Variants in SEMA5A observed in about 807,000 individuals in gnomAD.
SEMA5A encodes semaphorin 5A.
A neutral mutation model predicts 135.5 loss-of-function variants in SEMA5A; 55 were observed. That is an observed-to-expected ratio of 0.41 (90% CI 0.33 to 0.51). The LOEUF (loss-of-function observed/expected upper bound fraction) is 0.51. SEMA5A is among the 20% of genes least tolerant of loss of function. SEMA5A has a pLI of 0.37. For synonymous variants in SEMA5A, 580 were observed against 546.5 expected (o/e 1.06, Z -0.85); for missense variants, 1,290 against 1,419.9 (o/e 0.91, Z 1.47).
Position 9,545,196 on chromosome 5 carries a change from C to A in SEMA5A, c.-175+388G>T, listed in dbSNP as rs1007264544. Among the ~76,000 whole-genome samples the A allele has an allele frequency of 3.9e-5, 6 of 152,158 alleles. No individual in the cohort carries two copies. The highest frequency in any genetic ancestry group is 1.4e-4 in the African/African-American group (6 of 41,452). ...GTCCCGACCTCCGTGTCCCCTGCCC[C>A]CGGCTCGCGGCAGTGCGAGCCTGGA... On this transcript the variant is annotated intron_variant, in intron 1 of 22. Transcript: ENST00000382496. The surrounding 1 kb of genome is among the most constrained non-coding windows in gnomAD (Gnocchi z 4.5).
chr5:9,297,678 C>T (rs2150601306), intron 5 of SEMA5A, among the ~76,000 whole-genome samples: 1 of 152,216 alleles, frequency 6.6e-6, no homozygotes, highest in Admixed American at 6.5e-5. Flanking sequence ...CCTCAGTCTC[C>T]CGAGTAGCTG....
chr5:9,053,911 T>C, intron 19 of SEMA5A, 176 bp downstream of exon 19: 1 of 609,098 alleles, frequency 1.6e-6, no homozygotes, highest in South Asian at 3.1e-5. Context: ...CAGTGAGAAC[T>C]ATTTTATTAT....
chr5:9,442,152 C>T (rs1405208294), intron 1 of SEMA5A, among the ~76,000 whole-genome samples: 1 of 152,194 alleles, frequency 6.6e-6, no homozygotes, highest in Non-Finnish European at 1.5e-5. Flanking sequence ...TTAGAATGTC[C>T]TGCCTGATGA....
chr5:9,436,111 T>C (rs1302029099), intron 2 of SEMA5A, among the ~76,000 whole-genome samples: 1 of 152,236 alleles, frequency 6.6e-6, no homozygotes, highest in Non-Finnish European at 1.5e-5. Flanking sequence ...AATTTCCTCA[T>C]CTTTAAAACA....
intron 5 of SEMA5A, among the ~76,000 whole-genome samples, chr5:9,279,160 G>A (rs992304497): frequency 9.2e-5 from 14 of 152,342 alleles, no homozygotes; most frequent in South Asian, 6.2e-4. Context: ...GCTGCCAAAG[G>A]CCTTGGGAGT....
Position 9,410,588 on chromosome 5 carries a change from C to T in SEMA5A, c.-78+27168G>A, listed in dbSNP as rs181842211. Among the ~76,000 whole-genome samples the T allele has an allele frequency of 2.0e-3, 299 of 152,264 alleles. 1 individual carries two copies. The highest frequency in any genetic ancestry group is 0.014 in the Middle Eastern group (4 of 294). On this transcript the variant is annotated intron_variant, in intron 2 of 22. Transcript: ENST00000382496. ...CAAGGATAAAGCTGGAAGCCATCTT[C>T]CTCAGCAAACAAACACAGGAACAGA...
chr5:9,277,745 C>T (rs1413256376), intron 5 of SEMA5A, among the ~76,000 whole-genome samples: 1 of 152,120 alleles, frequency 6.6e-6, no homozygotes, highest in South Asian at 2.1e-4. Flanking sequence ...TGTTCTCACT[C>T]ATAAGTGGGA....
At chr5:9,199,018 CAG>C (rs1246550883) in intron 9 of SEMA5A, among the ~76,000 whole-genome samples, 1 of 152,180 alleles carries the variant, frequency 6.6e-6, no homozygotes, top group Non-Finnish European at 1.5e-5. Flanking sequence ...AACAGTAGCA[CAG>C]AGAGTTTACG....
At chr5:9,312,372 A>T (rs1430194841) in intron 5 of SEMA5A, among the ~76,000 whole-genome samples, 1 of 151,532 alleles carries the variant, frequency 6.6e-6, no homozygotes, top group African/African-American at 2.4e-5. Flanking sequence ...AAATTATCAC[A>T]GTCTCTGAGC....
At chr5:9,326,871 T>C (rs1473256655) in intron 4 of SEMA5A, among the ~76,000 whole-genome samples, 2 of 152,340 alleles carry the variant, frequency 1.3e-5, no homozygotes, top group Admixed American at 6.5e-5. Flanking sequence ...ATATTTAATA[T>C]CGTGATCATA....
At chr5:9,213,437 G>C (rs889594024) in intron 8 of SEMA5A, among the ~76,000 whole-genome samples, 2 of 152,180 alleles carry the variant, frequency 1.3e-5, no homozygotes, top group African/African-American at 4.8e-5. Context: ...GAGTCAAAAG[G>C]GCTAGATAGG....
At chr5:9,440,002 G>T (rs1758176058) in intron 1 of SEMA5A, among the ~76,000 whole-genome samples, 2 of 152,272 alleles carry the variant, frequency 1.3e-5, no homozygotes, top group African/African-American at 4.8e-5. Context: ...CTGGGGGCTT[G>T]TCAGCCAAGT....
intron 5 of SEMA5A, among the ~76,000 whole-genome samples, chr5:9,288,761 G>A (rs1384870827): frequency 6.6e-6 from 1 of 152,100 alleles, no homozygotes; most frequent in African/African-American, 2.4e-5. Flanking sequence ...TAATGAAGTG[G>A]CTGGAACCAA....
chr5:9,366,549 C>T (rs1051243935), intron 3 of SEMA5A, among the ~76,000 whole-genome samples: 21 of 152,140 alleles, frequency 1.4e-4, no homozygotes, highest in African/African-American at 4.8e-4. Flanking sequence ...CCACCACGCC[C>T]AGCTAAGTTT....
chr5:9,451,215 G>A (rs1273110362), intron 1 of SEMA5A, among the ~76,000 whole-genome samples: 1 of 152,110 alleles, frequency 6.6e-6, no homozygotes, highest in Non-Finnish European at 1.5e-5. Flanking sequence ...ATCTGTCTCT[G>A]TCTCCTCACA....
At chr5:9,422,031 T>C (rs947548259) in intron 2 of SEMA5A, among the ~76,000 whole-genome samples, 2 of 152,214 alleles carry the variant, frequency 1.3e-5, no homozygotes, top group Non-Finnish European at 2.9e-5. Flanking sequence ...ATCCCTTAAG[T>C]TGCCAAAAAG....
At chr5:9,518,148 A>G (rs1403680583) in intron 1 of SEMA5A, 2 of 152,208 alleles carry the variant, frequency 1.3e-5, no homozygotes, top group Non-Finnish European at 2.9e-5. Context: ...GATCTGCAGA[A>G]GACATAATGT....
intron 18 of SEMA5A, among the ~76,000 whole-genome samples, chr5:9,054,484 C>T (rs926889706): frequency 5.9e-5 from 9 of 151,920 alleles, no homozygotes; most frequent in Non-Finnish European, 1.0e-4. Context: ...TTTACAGATT[C>T]CTCCCTACAC....
intron 1 of SEMA5A, among the ~76,000 whole-genome samples, chr5:9,541,617 C>A (rs1320081965): frequency 6.6e-6 from 1 of 152,170 alleles, no homozygotes; most frequent in Non-Finnish European, 1.5e-5. Context: ...TACTATGTCA[C>A]TACATTTTAA....
Sources: gnomAD v4.1 joint callset for allele counts (sites outside exome capture counted in the v4.1 genomes callset) on GRCh38, gnomAD v4.1.1 for gene constraint, Gnocchi (gnomAD v3.1) non-coding constraint, MANE v1.5 for transcripts, NCBI Gene and HGNC (gene_info 2026-07-23, HGNC 2026-07-21) for gene names.